Variants in PALLD observed in about 807,000 individuals in gnomAD.
The protein encoded by PALLD is palladin.
In PALLD, 61 loss-of-function variants were observed where a neutral mutation model predicts 123.5. That is an observed-to-expected ratio of 0.49 (90% CI 0.40 to 0.61). The LOEUF (loss-of-function observed/expected upper bound fraction) is 0.61, where lower values mean the gene tolerates loss of function less well. PALLD is among the 20% of genes least tolerant of loss of function. The probability of loss-of-function intolerance (pLI) is 0.00; values close to 1 mark genes in which losing one functional copy is unlikely to be tolerated. For missense variants in PALLD, 1,273 were observed against 1,377.0 expected (o/e 0.92, Z 1.20); for synonymous variants, 465 against 496.4 (o/e 0.94, Z 0.84).
At chr4:168,635,496 C>G (rs1776251492) in intron 2 of PALLD, among the ~76,000 whole-genome samples, 2 of 152,248 alleles carry the variant, frequency 1.3e-5, no homozygotes, top group African/African-American at 4.8e-5. Flanking sequence ...CTTAAAGTAT[C>G]TATTATCACT....
intron 10 of PALLD, among the ~76,000 whole-genome samples, chr4:168,886,131 C>T (rs980040996): frequency 1.1e-4 from 17 of 152,152 alleles, no homozygotes; most frequent in African/African-American, 3.4e-4. Context: ...TTGAGACTAT[C>T]ATGATGAAGC....
rs543799072 is a variant in PALLD at position 168,610,904 on chromosome 4, T to C, written c.909-57286T>C. Among the ~76,000 whole-genome samples, 31 of 152,312 alleles carry C rather than the reference T, an allele frequency of 2.0e-4. No individual in the cohort carries two copies. The South Asian group carries it at 6.0e-3, about 30-fold the overall frequency. On this transcript the variant is annotated intron_variant, in intron 2 of 21. Transcript: ENST00000505667. ...TCTCCATGGGTACAGGGTGACCTCTTTGCCACAACTAATAAAAGCTGCATG... is the reference window on the plus strand; with the variant it reads ...TCTCCATGGGTACAGGGTGACCTCTCTGCCACAACTAATAAAAGCTGCATG...
intron 15 of PALLD, among the ~76,000 whole-genome samples, 169 bp from the exon 16 acceptor site, chr4:168,913,758 C>G (rs1582134383): frequency 6.6e-6 from 1 of 152,058 alleles, no homozygotes; most frequent in East Asian, 1.9e-4. Context: ...TACTGAGGCA[C>G]TTAACTCACA....
At chr4:168,532,895 C>T (rs541397103) in intron 2 of PALLD, among the ~76,000 whole-genome samples, 7 of 152,256 alleles carry the variant, frequency 4.6e-5, no homozygotes, top group Admixed American at 1.3e-4. Context: ...TTGAAAGACA[C>T]ATCAATCAAG....
rs184391867 is a variant in PALLD, at chr4:168,816,481, A to G, written c.1965-74441A>G. Among the ~76,000 whole-genome samples, 743 of 151,392 alleles carry G rather than the reference A, an allele frequency of 4.9e-3. 10 individuals are homozygous for G. The highest frequency in any genetic ancestry group is 0.017 in the African/African-American group (716 of 41,366). ...GATTAGAGAACATTGACAACTAACC[A>G]GATAGTGAACTCTGCCTCTATCAGC... is the stretch of plus-strand genomic sequence containing the variant. On this transcript the variant is annotated intron_variant, in intron 10 of 21. Coordinates refer to ENST00000505667, the MANE Select transcript of PALLD (RefSeq NM_001166108.2).
chr4:168,598,684 C>A, intron 2 of PALLD: 1 of 352,620 alleles, frequency 2.8e-6, no homozygotes, highest in South Asian at 2.5e-5. Flanking sequence ...CTGTAACTCT[C>A]TAGGTTCCAC....
At chr4:168,811,407 G>A (rs925969324) in intron 10 of PALLD, among the ~76,000 whole-genome samples, 4 of 152,178 alleles carry the variant, frequency 2.6e-5, no homozygotes, top group Non-Finnish European at 5.9e-5. Context: ...GAGTAGATAA[G>A]GAAGTGTATT....
At chr4:168,832,674 C>G (rs564111657) in intron 10 of PALLD, 1 of 151,518 alleles carries the variant, frequency 6.6e-6, no homozygotes, top group East Asian at 1.9e-4. Flanking sequence ...GGGGTCCCCC[C>G]GACCTGAGCC....
At chr4:168,806,798 G>A (rs981939835) in intron 10 of PALLD, among the ~76,000 whole-genome samples, 1 of 152,108 alleles carries the variant, frequency 6.6e-6, no homozygotes, top group African/African-American at 2.4e-5. Flanking sequence ...CTTTTTAAAA[G>A]CAAAATATTT....
Position 168,894,591 on chromosome 4 carries a change from G to A in PALLD, c.2113G>A (p.Glu705Lys), listed in dbSNP as rs748036704. ...LNNGQPRLTY[E>K]ERMARRLLGA... ...TTACGTTGTTTAGAGGTTAACATACGAAGAAAGAATGGCTCGTCGACTGCT... is the reference window on the plus strand; with the variant it reads ...TTACGTTGTTTAGAGGTTAACATACAAAGAAAGAATGGCTCGTCGACTGCT... Residue 705 changes from glutamate (E) to lysine (K), a missense_variant, in exon 12 of 22, where the codon GAA becomes AAA. Coordinates refer to ENST00000505667, the MANE Select transcript of PALLD (RefSeq NM_001166108.2). 5 of 1,612,144 alleles carry A rather than the reference G, an allele frequency of 3.1e-6. No individual in the cohort carries two copies. In the African/African-American group the frequency reaches 4.0e-5, roughly 13 times the overall value.
chr4:168,560,664 G>A (rs1767773965), intron 2 of PALLD, among the ~76,000 whole-genome samples: 1 of 152,186 alleles, frequency 6.6e-6, no homozygotes, highest in Admixed American at 6.5e-5. Context: ...CAGGAGATCA[G>A]AGAAGAAGCT....
At chr4:168,578,691 G>T (rs1769907955) in intron 2 of PALLD, among the ~76,000 whole-genome samples, 1 of 151,912 alleles carries the variant, frequency 6.6e-6, no homozygotes, top group Non-Finnish European at 1.5e-5. Context: ...AAACACAGAG[G>T]AGTTAGATAA....
At chr4:168,925,763 G>A (rs1389910693) in intron 21 of PALLD, among the ~76,000 whole-genome samples, 1 of 152,076 alleles carries the variant, frequency 6.6e-6, no homozygotes, top group Non-Finnish European at 1.5e-5. Flanking sequence ...AACTATGTGA[G>A]GGTCATCAAG....
chr4:168,804,219 T>C (rs1373054761), intron 10 of PALLD, among the ~76,000 whole-genome samples: 1 of 151,174 alleles, frequency 6.6e-6, no homozygotes, highest in Non-Finnish European at 1.5e-5. Context: ...ACTAGAAATA[T>C]ATTAACCCTG....
intron 10 of PALLD, among the ~76,000 whole-genome samples, chr4:168,885,661 C>T (rs1458173746): frequency 2.6e-5 from 4 of 152,282 alleles, no homozygotes; most frequent in African/African-American, 7.2e-5. Context: ...TGTCATGGAG[C>T]TCATGCTTGT....
In PALLD at chr4:168,659,382, A is replaced by G. The variant is rs936070385; in HGVS notation, c.909-8808A>G. Among the ~76,000 whole-genome samples, 4 of 152,290 alleles carry G rather than the reference A, an allele frequency of 2.6e-5. 1 individual carries two copies. On this transcript the variant is annotated intron_variant, in intron 2 of 21. Transcript: ENST00000505667. ...CTGGTTGCTTCAGTTTTCTTCAAGT[A>G]TGGACTTCATGAAGCCATGTGGTTG... is the stretch of plus-strand genomic sequence containing the variant.
At chr4:168,656,488 A>G (rs1421189117) in intron 2 of PALLD, among the ~76,000 whole-genome samples, 7 of 152,092 alleles carry the variant, frequency 4.6e-5, no homozygotes, top group African/African-American at 1.2e-4. Context: ...CTGTCTACTC[A>G]TGGGAATGAG....
At chr4:168,728,113 G>A (rs59691294) in intron 10 of PALLD, among the ~76,000 whole-genome samples, 8,892 of 152,222 alleles carry the variant, frequency 0.058, 323 homozygotes, top group South Asian at 0.09. Flanking sequence ...CTGTAGCCTA[G>A]CAGTATAGCT....
chr4:168,842,830 C>A (rs1281598329), intron 10 of PALLD, among the ~76,000 whole-genome samples: 4 of 152,242 alleles, frequency 2.6e-5, no homozygotes, highest in South Asian at 4.1e-4. Flanking sequence ...ATATGATTCC[C>A]CGGTTTTGGA....
Sources: gnomAD v4.1 joint callset for allele counts (sites outside exome capture counted in the v4.1 genomes callset) on GRCh38, gnomAD v4.1.1 for gene constraint, MANE v1.5 for transcripts, NCBI Gene and HGNC (gene_info 2026-07-23, HGNC 2026-07-21) for gene names.